CCDC186: variants seen among roughly 807,000 people sequenced by gnomAD.
CCDC186 encodes coiled-coil domain-containing protein 186.
Under a neutral mutation model 113.7 loss-of-function variants are expected in CCDC186, and 49 were observed. The ratio of observed to expected loss-of-function variants is 0.43; its 90% CI spans 0.34 to 0.55. The LOEUF is 0.55. CCDC186 is among the 20% of genes least tolerant of loss of function. The probability of loss-of-function intolerance (pLI) is 0.02; values close to 1 mark genes in which losing one functional copy is unlikely to be tolerated. For missense variants in CCDC186, 890 were observed against 1,011.1 expected, an observed-to-expected ratio of 0.88 and a Z score of 1.62; for synonymous variants, 355 against 345.8, an observed-to-expected ratio of 1.03 and a Z score of -0.30.
chr10:114,134,041 G>A (rs1564906589), intron 10 of CCDC186, among the ~76,000 whole-genome samples: 2 of 152,238 alleles, frequency 1.3e-5, no homozygotes, highest in African/African-American at 4.8e-5. Context: ...AGCGGAAGTA[G>A]AAAGACTAAT....
chr10:114,151,038 C>A (rs2031840998), intron 4 of CCDC186, 54 bp downstream of exon 4: 9 of 1,588,810 alleles, frequency 5.7e-6, no homozygotes, highest in African/African-American at 1.4e-5. Flanking sequence ...CTTATTTTAA[C>A]AAACAAGAGT....
At chr10:114,149,782 A>AGGC (rs2031782554) in intron 4 of CCDC186, among the ~76,000 whole-genome samples, 1 of 62,638 alleles carries the variant, frequency 1.6e-5, no homozygotes, top group Non-Finnish European at 3.6e-5. Flanking sequence ...GGAAGGCAGG[A>AGGC]AGGCAGGAAG....
rs2030774721 is a variant in CCDC186, at chr10:114,122,935, A to G, written c.*2208T>C. On this transcript the variant is annotated 3_prime_UTR_variant, in exon 16 of 16. Coordinates refer to ENST00000369287, the MANE Select transcript of CCDC186 (RefSeq NM_018017.4). ...CATTAAACTTCTCCAAGTAGATGGT[A>G]GCACAAATATTAATACTGGAGTGTG... 6.6e-6 allele frequency: 1 copy of G among 152,200 alleles called. No homozygotes were observed. The highest frequency in any genetic ancestry group is 1.5e-5 in the Non-Finnish European group (1 of 68,036). The allele number at this position is 152,200 out of a possible 1,614,324, so 9.4% of individuals were successfully genotyped here.
Position 114,122,980 on chromosome 10 carries a change from T to C in CCDC186, c.*2163A>G, listed in dbSNP as rs1185938108. ...AGTGTGCATTTTTGTCTAAAATGTATATACATTTTAAAGTGTATAGGCATA... is the reference window on the plus strand; with the variant it reads ...AGTGTGCATTTTTGTCTAAAATGTACATACATTTTAAAGTGTATAGGCATA... On this transcript the variant is annotated 3_prime_UTR_variant, in exon 16 of 16. Transcript: ENST00000369287. The C allele has an allele frequency of 6.6e-6, 1 of 152,250 alleles. No homozygotes were observed. The highest frequency in any genetic ancestry group is 2.1e-4 in the South Asian group (1 of 4,832). 9.4% of individuals were successfully genotyped at this position (152,250 alleles called of 1,614,324 possible). A position where few individuals can be genotyped will look rare whatever the true frequency, so the allele number is the denominator to read the frequency against.
At chr10:114,162,112 A>G (rs2032185485) in intron 2 of CCDC186, 2 of 152,310 alleles carry the variant, frequency 1.3e-5, no homozygotes, top group Non-Finnish European at 2.9e-5. Context: ...AACAGTGTGA[A>G]TATATAATAA....
rs916295730 is a variant in CCDC186, at chr10:114,122,745, C to T, written c.*2398G>A. 8 of 152,186 alleles carry T rather than the reference C, an allele frequency of 5.3e-5. No individual in the cohort carries two copies. Among genetic ancestry groups the T allele is most frequent in the Admixed American group, 2.6e-4 (4 of 15,272 alleles). 9.4% of individuals were successfully genotyped at this position (152,186 alleles called of 1,614,324 possible). ...TAAGTATCTCTGATACATGTAATTACTTTGCTCAGTCCTGATCCATATACA... is the reference window on the plus strand; with the variant it reads ...TAAGTATCTCTGATACATGTAATTATTTTGCTCAGTCCTGATCCATATACA... On this transcript the variant is annotated 3_prime_UTR_variant, in exon 16 of 16. Transcript: ENST00000369287.
chr10:114,174,203 T>C lies in CCDC186; in HGVS notation c.-250A>G. The C allele has an allele frequency of 4.6e-6, 2 of 431,348 alleles. No homozygotes were observed. The highest frequency in any genetic ancestry group is 3.4e-5 in the South Asian group (2 of 58,390). 26.7% of individuals were successfully genotyped at this position (431,348 alleles called of 1,614,324 possible). Reference sequence around the variant, plus strand: ...TGCGGAGCTGACACATCAACAAAGATGGCGGCGACACTGAAGCCGGCCCGG... The same window carrying C: ...TGCGGAGCTGACACATCAACAAAGACGGCGGCGACACTGAAGCCGGCCCGG... On this transcript the variant is annotated 5_prime_UTR_variant, in exon 1 of 16. Transcript: ENST00000369287.
intron 1 of CCDC186, among the ~76,000 whole-genome samples, chr10:114,171,452 A>G (rs1031193324): frequency 2.0e-5 from 3 of 152,102 alleles, no homozygotes; most frequent in African/African-American, 7.2e-5. Flanking sequence ...TCAGGAGGCT[A>G]AGGCAGGAGG....
At chr10:114,159,967 A>G (rs1300502453) in intron 2 of CCDC186, among the ~76,000 whole-genome samples, 2 of 152,064 alleles carry the variant, frequency 1.3e-5, no homozygotes, top group African/African-American at 4.8e-5. Flanking sequence ...TATCTCAAAA[A>G]AATAAAATAA....
intron 3 of CCDC186, among the ~76,000 whole-genome samples, chr10:114,152,052 C>G (rs947906639): frequency 6.6e-6 from 1 of 152,084 alleles, no homozygotes; most frequent in Admixed American, 6.6e-5. Context: ...TTTGTTAAGA[C>G]GGGAAAGGAG....
rs888616871 is a variant in CCDC186 at position 114,131,299 on chromosome 10, T to A, written c.1949A>T (p.Glu650Val). The A allele has an allele frequency of 6.3e-7, 1 of 1,595,352 alleles. No individual in the cohort carries two copies. Among genetic ancestry groups the A allele is most frequent in the Non-Finnish European group, 8.5e-7 (1 of 1,172,910 alleles). ...TTCAGCTTGCAGAGTTTGGACTTCCTCTTTTCGCAGTTCTTCCTCTTTCAA... is the reference window on the plus strand; with the variant it reads ...TTCAGCTTGCAGAGTTTGGACTTCCACTTTTCGCAGTTCTTCCTCTTTCAA... ...RLLKEEELRK[E>V]EVQTLQAELA... The change falls in exon 12 of 16, where the codon GAG becomes GTG. Residue 650 changes from glutamate to valine, a missense_variant. Physicochemically the swap from Glu to Val is moderately radical, Grantham distance 121. Transcript: ENST00000369287.
In CCDC186 at chr10:114,172,311, A is replaced by G. The variant is rs146621958; in HGVS notation, c.-62+1704T>C. ...CTCTTCCTGGAGTCAGTATACTGCA[A>G]TGCTTTTATCTTCACTCTGTGATGT... On this transcript the variant is annotated intron_variant, in intron 1 of 15. Transcript: ENST00000369287. Among the ~76,000 whole-genome samples the G allele has an allele frequency of 3.3e-5, 5 of 152,328 alleles. No individual in the cohort carries two copies. The East Asian group carries it at 9.6e-4, about 29-fold the overall frequency.
At chr10:114,151,646 G>A (rs1003577724) in intron 3 of CCDC186, among the ~76,000 whole-genome samples, 1 of 152,240 alleles carries the variant, frequency 6.6e-6, no homozygotes, top group African/African-American at 2.4e-5. Flanking sequence ...CTGAGACTGT[G>A]AGTCATCCCT....
intron 4 of CCDC186, 59 bp from the exon 5 acceptor site, chr10:114,145,820 T>G: frequency 6.9e-7 from 1 of 1,443,278 alleles, no homozygotes; most frequent in Admixed American, 2.4e-5. Flanking sequence ...GGAAATGTAT[T>G]GAAATACATG....
chr10:114,129,885 T>C lies in CCDC186; in HGVS notation c.2182+6A>G. 1 of 1,612,894 alleles carries C rather than the reference T, an allele frequency of 6.2e-7. No individual in the cohort carries two copies. ...GAAATAACAACTAGAGCCACTAGTT[T>C]TTTACCTGATGAACTAGAACGACTT... On this transcript the variant is annotated splice_donor_region_variant and intron_variant, in intron 13 of 15. Transcript: ENST00000369287.
intron 1 of CCDC186, among the ~76,000 whole-genome samples, chr10:114,163,587 G>A (rs751159785): frequency 8.5e-5 from 13 of 152,148 alleles, no homozygotes; most frequent in Admixed American, 6.5e-5. Context: ...AATTTCAGTT[G>A]TAGTCTGGCA....
chr10:114,157,702 T>C (rs373973609), intron 2 of CCDC186, 22 bp from the exon 3 acceptor site: 4 of 1,533,260 alleles, frequency 2.6e-6, no homozygotes, highest in Non-Finnish European at 3.5e-6. Context: ...AAGGGCAGTG[T>C]ATGTAAAACA....
chr10:114,128,302 C>T (rs2030978175), intron 13 of CCDC186, among the ~76,000 whole-genome samples: 2 of 152,176 alleles, frequency 1.3e-5, no homozygotes, highest in South Asian at 4.1e-4. Flanking sequence ...CTTTACCCTA[C>T]AAAGATTAGT....
At chr10:114,127,717 T>C (rs755786572) in intron 13 of CCDC186, 46 bp from the exon 14 acceptor site, 7 of 1,419,392 alleles carry the variant, frequency 4.9e-6, no homozygotes, top group Admixed American at 1.9e-5. Context: ...TAATCTAACA[T>C]CACCTCTCAT....
Sources: gnomAD v4.1 joint callset for allele counts (sites outside exome capture counted in the v4.1 genomes callset) on GRCh38, gnomAD v4.1.1 for gene constraint, MANE v1.5 for transcripts, NCBI Gene and HGNC (gene_info 2026-07-23, HGNC 2026-07-21) for gene names.